MCPH1: variants seen among roughly 807,000 people sequenced by gnomAD.
The protein encoded by MCPH1 is microcephalin.
In MCPH1, 104 loss-of-function variants were observed where a neutral mutation model predicts 84.5. That is an observed-to-expected ratio of 1.23 (90% CI 1.05 to 1.45). The LOEUF (loss-of-function observed/expected upper bound fraction) is 1.45, where lower values mean the gene tolerates loss of function less well. MCPH1 is among the 40% of genes most tolerant of loss of function. MCPH1 has a pLI of 0.00. For synonymous variants in MCPH1, 514 were observed against 366.8 expected, an observed-to-expected ratio of 1.40 and a Z score of -4.58; for missense variants, 1,498 against 1,005.7, an observed-to-expected ratio of 1.49 and a Z score of -6.62.
At chr8:6,479,672 C>T (rs1379405722) in intron 10 of MCPH1, among the ~76,000 whole-genome samples, 1 of 151,932 alleles carries the variant, frequency 6.6e-6, no homozygotes, top group South Asian at 2.1e-4. Flanking sequence ...GCTTAGAAAG[C>T]CCTCCATTGG....
intron 12 of MCPH1, among the ~76,000 whole-genome samples, chr8:6,545,018 CATAAT>C (rs1216828119): frequency 6.6e-6 from 1 of 152,074 alleles, no homozygotes; most frequent in Non-Finnish European, 1.5e-5. Flanking sequence ...TAACAAATAA[CATAAT>C]AGATCGCTGT....
intron 12 of MCPH1, among the ~76,000 whole-genome samples, chr8:6,582,058 C>CCTAT (rs932054777): frequency 6.6e-6 from 1 of 152,158 alleles, no homozygotes; most frequent in African/African-American, 2.4e-5. Flanking sequence ...ACATTCAGAC[C>CCTAT]ATAGCCACTG....
At chr8:6,499,678 T>A (rs1811772583) in intron 11 of MCPH1, 174 bp from the exon 12 acceptor site, 1 of 594,086 alleles carries the variant, frequency 1.7e-6, no homozygotes, top group Non-Finnish European at 3.0e-6. Flanking sequence ...TTTATTAATA[T>A]TCATAACATT....
rs1295972888 is a variant in MCPH1 at position 6,532,455 on chromosome 8, T to A, written c.2214+32526T>A. 4 of 1,613,836 alleles carry A rather than the reference T, an allele frequency of 2.5e-6. No individual in the cohort carries two copies. In the Admixed American group the frequency reaches 6.7e-5, roughly 27 times the overall value. ...CATTCTGCTGTATCTCTACCATTTC[T>A]TTCTTCATGTTGTCCTGGATATAAT... On this transcript the variant is annotated intron_variant, in intron 12 of 13. Transcript: ENST00000344683.
At chr8:6,423,278 C>T (rs1239016971) in intron 3 of MCPH1, among the ~76,000 whole-genome samples, 3 of 145,266 alleles carry the variant, frequency 2.1e-5, no homozygotes, top group African/African-American at 7.7e-5. Context: ...CATTCTCCTG[C>T]CTCAGCCTCC....
At chr8:6,504,570 G>T (rs1435688036) in intron 12 of MCPH1, among the ~76,000 whole-genome samples, 1 of 152,088 alleles carries the variant, frequency 6.6e-6, no homozygotes, top group African/African-American at 2.4e-5. Context: ...CCCCAAAAGT[G>T]CAAGAGTGAT....
chr8:6,532,365 C>T (rs1460353319), intron 12 of MCPH1: 2 of 1,614,124 alleles, frequency 1.2e-6, no homozygotes, highest in African/African-American at 1.3e-5. Flanking sequence ...TCCGCGTTTG[C>T]TCCGCTGTTT....
intron 3 of MCPH1, among the ~76,000 whole-genome samples, chr8:6,423,187 T>TTC (rs1800505225): frequency 7.4e-6 from 1 of 135,154 alleles, no homozygotes; most frequent in Non-Finnish European, 1.6e-5. Flanking sequence ...TTTCTTTTCT[T>TTC]TTCTTTTTTT....
At chr8:6,507,043 G>A (rs766449921) in intron 12 of MCPH1, among the ~76,000 whole-genome samples, 42 of 151,940 alleles carry the variant, frequency 2.8e-4, no homozygotes, top group Admixed American at 1.4e-3. Context: ...GATTACAGGC[G>A]TATGCCACCA....
intron 11 of MCPH1, among the ~76,000 whole-genome samples, chr8:6,486,214 T>G (rs920021999): frequency 3.0e-4 from 46 of 152,176 alleles, no homozygotes; most frequent in African/African-American, 1.1e-3. Context: ...GGTCAAGATT[T>G]AAAGTATCCA....
chr8:6,412,223 G>C (rs923423553), intron 2 of MCPH1, among the ~76,000 whole-genome samples: 2 of 152,174 alleles, frequency 1.3e-5, no homozygotes, highest in African/African-American at 4.8e-5. Flanking sequence ...TAATACACTG[G>C]AATGTAGGAA....
intron 12 of MCPH1, among the ~76,000 whole-genome samples, chr8:6,526,296 G>T (rs1040224451): frequency 2.1e-5 from 3 of 145,790 alleles, no homozygotes; most frequent in Admixed American, 6.9e-5. Context: ...TCAGCTGGGT[G>T]TGTGACACAT....
intron 13 of MCPH1, among the ~76,000 whole-genome samples, chr8:6,640,649 A>C (rs1294511431): frequency 6.6e-6 from 1 of 152,218 alleles, no homozygotes; most frequent in Admixed American, 6.5e-5. Flanking sequence ...TGGTGTCTTA[A>C]GTATTACCAA....
intron 12 of MCPH1, among the ~76,000 whole-genome samples, chr8:6,557,468 T>C (rs951767925): frequency 2.0e-5 from 3 of 152,112 alleles, no homozygotes; most frequent in Admixed American, 2.0e-4. Context: ...GCTGTCTTTA[T>C]ATCAGAATAA....
chr8:6,626,770 G>A (rs1011484698), intron 13 of MCPH1: 2 of 985,164 alleles, frequency 2.0e-6, no homozygotes, highest in Middle Eastern at 5.2e-4. Flanking sequence ...TCTGAGCCCT[G>A]GCGCGGTCCT....
chr8:6,623,304 G>A (rs1831670155), intron 13 of MCPH1, among the ~76,000 whole-genome samples: 1 of 151,794 alleles, frequency 6.6e-6, no homozygotes, highest in South Asian at 2.1e-4. Context: ...CAGCCCCTGG[G>A]GCCAAGATCC....
At chr8:6,518,422 A>G (rs1344187559) in intron 12 of MCPH1, among the ~76,000 whole-genome samples, 2 of 152,112 alleles carry the variant, frequency 1.3e-5, no homozygotes. Context: ...TCCCTGTTGT[A>G]TGGCTTCTAG....
At chr8:6,556,531 C>T (rs1292440661) in intron 12 of MCPH1, among the ~76,000 whole-genome samples, 1 of 152,104 alleles carries the variant, frequency 6.6e-6, no homozygotes, top group East Asian at 1.9e-4. Flanking sequence ...CCCTTCTGTG[C>T]AGCACATACT....
intron 12 of MCPH1, among the ~76,000 whole-genome samples, chr8:6,570,720 A>G (rs887786001): frequency 6.6e-6 from 1 of 152,134 alleles, no homozygotes; most frequent in Admixed American, 6.5e-5. Flanking sequence ...GGCTTAAAAA[A>G]GTTCCAAGTA....
Sources: gnomAD v4.1 joint callset for allele counts (sites outside exome capture counted in the v4.1 genomes callset) on GRCh38, gnomAD v4.1.1 for gene constraint, MANE v1.5 for transcripts, NCBI Gene and HGNC (gene_info 2026-07-23, HGNC 2026-07-21) for gene names.